The following DLGAP4 variants were observed in gnomAD, a reference collection of about 807,000 sequenced individuals.
DLGAP4 encodes the protein disks large-associated protein 4.
A neutral mutation model predicts 86.9 loss-of-function variants in DLGAP4; 18 were observed. That is an observed-to-expected ratio of 0.21 (90% confidence interval 0.14 to 0.31). The LOEUF (loss-of-function observed/expected upper bound fraction) is 0.31, where lower values mean the gene tolerates loss of function less well. Among genes scored for constraint, DLGAP4 ranks in the 10% least tolerant of loss-of-function variants. The pLI, the probability that DLGAP4 is intolerant of heterozygous loss-of-function variation, is 1.00. For missense variants in DLGAP4, 1,085 were observed against 1,362.6 expected (o/e 0.80, Z 3.21); for synonymous variants, 548 against 574.3 (o/e 0.95, Z 0.65).
intron 7 of DLGAP4, among the ~76,000 whole-genome samples, chr20:36,453,326 A>G (rs2033790017): frequency 6.6e-6 from 1 of 152,160 alleles, no homozygotes; most frequent in African/African-American, 2.4e-5. Flanking sequence ...ACTGCACTTC[A>G]GCCTGTGTGA....
rs2037834752 is a variant in DLGAP4 at position 36,527,357 on chromosome 20, T to C, written c.*326T>C. ...CTCCATACTGCGGTCTTTTTACTCG[T>C]TCTATCTGATGAGAACTCACACTAG... On this transcript the variant is annotated 3_prime_UTR_variant, in exon 13 of 13. Coordinates refer to ENST00000339266, the MANE Select transcript of DLGAP4 (RefSeq NM_001365621.2). 4.6e-6 allele frequency: 1 copy of C among 215,856 alleles called. No homozygotes were observed. Among genetic ancestry groups the C allele is most frequent in the Admixed American group, 5.3e-5 (1 of 18,776 alleles). The allele number at this position is 215,856 out of a possible 1,614,324, so 13.4% of individuals were successfully genotyped here. A position where few individuals can be genotyped will look rare whatever the true frequency, so the allele number is the denominator to read the frequency against.
intron 10 of DLGAP4, among the ~76,000 whole-genome samples, chr20:36,505,521 TC>T (rs1411810684): frequency 6.6e-6 from 1 of 150,780 alleles, no homozygotes; most frequent in Non-Finnish European, 1.5e-5. Context: ...ATGCCTGTAA[TC>T]CCAGCACTTT....
intron 1 of DLGAP4, among the ~76,000 whole-genome samples, chr20:36,321,309 A>G (rs1410918116): frequency 6.6e-6 from 1 of 152,242 alleles, no homozygotes; most frequent in Non-Finnish European, 1.5e-5. Flanking sequence ...ATGGGAGAAT[A>G]GGGAGCAAGA....
At chr20:36,488,972 T>G (rs532542302) in intron 7 of DLGAP4, among the ~76,000 whole-genome samples, 2 of 152,334 alleles carry the variant, frequency 1.3e-5, no homozygotes, top group East Asian at 3.9e-4. Context: ...AACACTTTTC[T>G]CCATAAGGGA....
At chr20:36,442,908 C>G (rs2033488945) in intron 6 of DLGAP4, 131 bp downstream of exon 6, 4 of 1,169,690 alleles carry the variant, frequency 3.4e-6, no homozygotes, top group Non-Finnish European at 5.1e-6. Context: ...AAAGCCACTT[C>G]CAGTGGATGG....
Position 36,527,166 on chromosome 20 carries a change from T to A in DLGAP4, c.*135T>A, listed in dbSNP as rs529502630. On this transcript the variant is annotated 3_prime_UTR_variant, in exon 13 of 13. Coordinates refer to ENST00000339266, the MANE Select transcript of DLGAP4 (RefSeq NM_001365621.2). Reference sequence around the variant, plus strand: ...CTGAGCCAACTTTCAAATTGACGCATACAAGGGCTCACAATTTGGCTTTTT... The same window carrying A: ...CTGAGCCAACTTTCAAATTGACGCAAACAAGGGCTCACAATTTGGCTTTTT... The A allele has an allele frequency of 1.5e-5, 14 of 938,096 alleles. No individual in the cohort carries two copies. The East Asian group carries it at 3.9e-4, about 26-fold the overall frequency. The allele number at this position is 938,096 out of a possible 1,614,324, so 58.1% of individuals were successfully genotyped here.
intron 2 of DLGAP4, among the ~76,000 whole-genome samples, chr20:36,413,072 T>A (rs976243047): frequency 6.6e-6 from 1 of 150,670 alleles, no homozygotes; most frequent in African/African-American, 2.4e-5. Context: ...CTCCGCCTCC[T>A]GGGTTTAAGC....
At chr20:36,514,250 G>C (rs775414119) in intron 10 of DLGAP4, among the ~76,000 whole-genome samples, 3 of 152,176 alleles carry the variant, frequency 2.0e-5, no homozygotes, top group Non-Finnish European at 4.4e-5. Context: ...GGCCATTTTG[G>C]TGGAATTGTG....
At position 36,321,879 on chromosome 20, in the gene DLGAP4, C is replaced by T. The variant is rs62213219; in HGVS notation, c.-304+15367C>T. ...TGCAGTGGTGACCACATTTTGATGC[C>T]GACCTTCCAGAGGTTTCTCCAAGTC... On this transcript the variant is annotated intron_variant, in intron 1 of 12. Coordinates refer to ENST00000339266, the MANE Select transcript of DLGAP4 (RefSeq NM_001365621.2). Among the ~76,000 whole-genome samples, 917 of 152,272 alleles carry T rather than the reference C, an allele frequency of 6.0e-3. 11 individuals carry two copies. The highest frequency in any genetic ancestry group is 0.037 in the Middle Eastern group (11 of 294).
At chr20:36,499,448 G>A in intron 8 of DLGAP4, 140 bp from the exon 9 acceptor site, 1 of 1,350,430 alleles carries the variant, frequency 7.4e-7, no homozygotes, top group Non-Finnish European at 1.0e-6. Context: ...CCCACGTGCA[G>A]TGTCCGCATG....
intron 1 of DLGAP4, among the ~76,000 whole-genome samples, chr20:36,309,936 C>T (rs2065037655): frequency 6.6e-6 from 1 of 152,168 alleles, no homozygotes; most frequent in Non-Finnish European, 1.5e-5. Context: ...CTGGTGCTGT[C>T]CAACCACTGG....
rs758592667 is a variant in DLGAP4, at chr20:36,525,994, C to G, written c.2748C>G (p.Pro916=). 2.5e-6 allele frequency: 4 copies of G among 1,613,960 alleles called. No individual in the cohort carries two copies. The Admixed American group carries it at 5.0e-5, about 20-fold the overall frequency. Residue 916 remains proline (P), a synonymous_variant, in exon 12 of 13, where the codon CCC becomes CCG. Transcript: ENST00000339266. ...KANSWQLVET[P]EKRKEEKKPP... ...ACAGCTGGCAGCTGGTGGAGACCCC[C>G]GAGAAGAGGAAGGTGAGCATGGAGC...
rs1423556298 is a variant in DLGAP4, at chr20:36,432,830, G to A, written c.999+114G>A. 2.2e-6 allele frequency: 3 copies of A among 1,374,026 alleles called. No homozygotes were observed. The highest frequency in any genetic ancestry group is 1.4e-5 in the African/African-American group (1 of 69,418). The allele number at this position is 1,374,026 out of a possible 1,614,324, so 85.1% of individuals were successfully genotyped here. ...AAGTCACTTCATTCTGGGCCTCTGT[G>A]GCTCAGCTATAAAATGGGTGGCCTA... On this transcript the variant is annotated intron_variant, in intron 3 of 12. Coordinates refer to ENST00000339266, the MANE Select transcript of DLGAP4 (RefSeq NM_001365621.2). This position sits in a 1 kb window ranked among gnomAD's most constrained non-coding sequence, Gnocchi z 6.5.
chr20:36,396,323 A>ACACACACACACACGCACACACACACG lies in DLGAP4; in HGVS notation c.-73+29073_-73+29074insGCACACACACACACGCACACACACAC, dbSNP rs1362696082. On this transcript the variant is annotated intron_variant, in intron 2 of 12. Coordinates refer to ENST00000339266, the MANE Select transcript of DLGAP4 (RefSeq NM_001365621.2). The stretch of plus-strand genomic sequence containing the variant: ...CCAAACCCCTCACCCAGAACCCAGC[A>ACACACACACACACGCACACACACACG]CACACACACACACGCACACACACAC... Among the ~76,000 whole-genome samples, 6 of 138,618 alleles carry ACACACACACACACGCACACACACACG rather than the reference A, an allele frequency of 4.3e-5. 3 individuals are homozygous for ACACACACACACACGCACACACACACG. The highest frequency in any genetic ancestry group is 9.2e-5 in the Non-Finnish European group (6 of 65,022). 90.9% of individuals were successfully genotyped at this position (138,618 alleles called of 152,430 possible).
At chr20:36,407,164 A>C (rs1258296367) in intron 2 of DLGAP4, among the ~76,000 whole-genome samples, 1 of 152,150 alleles carries the variant, frequency 6.6e-6, no homozygotes, top group Non-Finnish European at 1.5e-5. Flanking sequence ...ACATAGCAAG[A>C]ACCCTGTCTC....
intron 10 of DLGAP4, among the ~76,000 whole-genome samples, chr20:36,507,033 G>A (rs2036414564): frequency 6.6e-6 from 1 of 152,182 alleles, no homozygotes; most frequent in Admixed American, 6.5e-5. Context: ...ATTGTATGTA[G>A]AGACTACATT....
intron 7 of DLGAP4, among the ~76,000 whole-genome samples, chr20:36,490,466 A>C (rs1408820567): frequency 2.0e-5 from 3 of 152,060 alleles, no homozygotes; most frequent in African/African-American, 7.2e-5. Context: ...TGGGAGAGGG[A>C]GTGGGATCTT....
chr20:36,475,551 A>G (rs1403955606), intron 7 of DLGAP4, among the ~76,000 whole-genome samples: 1 of 152,158 alleles, frequency 6.6e-6, no homozygotes, highest in East Asian at 1.9e-4. Flanking sequence ...AGATTCTATG[A>G]TACTAACACA....
At chr20:36,328,697 C>T (rs561500049) in intron 1 of DLGAP4, among the ~76,000 whole-genome samples, 1 of 151,956 alleles carries the variant, frequency 6.6e-6, no homozygotes, top group Admixed American at 6.5e-5. Flanking sequence ...GGTGCGATTT[C>T]GTCTCACTGC....
Sources: allele counts gnomAD v4.1 joint callset (sites outside exome capture counted in the v4.1 genomes callset), GRCh38; gene constraint gnomAD v4.1.1; non-coding constraint Gnocchi (gnomAD v3.1); transcripts MANE v1.5; gene names NCBI Gene and HGNC (gene_info 2026-07-23, HGNC 2026-07-21).